The following CD226 variants were observed in gnomAD, a reference collection of about 807,000 sequenced individuals.
CD226 encodes the protein CD226 antigen.
A neutral mutation model predicts 34.9 loss-of-function variants in CD226; 24 were observed. The ratio of observed to expected loss-of-function variants is 0.69; its 90% confidence interval spans 0.50 to 0.97. CD226 has a LOEUF of 0.97. CD226 is among the 50% of genes least tolerant of loss of function. The pLI is 0.00. For synonymous variants in CD226, 148 were observed against 147.4 expected (o/e 1.00, Z -0.03); for missense variants, 397 against 412.7 (o/e 0.96, Z 0.33).
chr18:69,951,922 G>C (rs1458027748), upstream of CD226, among the ~76,000 whole-genome samples: 1 of 152,110 alleles, frequency 6.6e-6, no homozygotes, highest in Non-Finnish European at 1.5e-5. Context: ...TCTCACTACA[G>C]GGTATCTACC....
In CD226 at chr18:69,920,380, G is replaced by A. The variant is rs2145307684; in HGVS notation, c.383-24335C>T. On this transcript the variant is annotated intron_variant, in intron 2 of 5. Transcript: ENST00000582621. ...AATCCATCCCCTACTGCCTTGAAAT[G>A]TCCATTTATATACAAGATAAAAACA... Among the ~76,000 whole-genome samples the A allele has an allele frequency of 1.3e-5, 2 of 152,218 alleles. 1 individual carries two copies. Among genetic ancestry groups the A allele is most frequent in the South Asian group, 4.1e-4 (2 of 4,824 alleles).
intron 1 of CD226, among the ~76,000 whole-genome samples, chr18:69,954,050 C>A (rs1327431009): frequency 6.7e-6 from 1 of 149,466 alleles, no homozygotes; most frequent in Non-Finnish European, 1.5e-5. Context: ...CTTAGGTGAA[C>A]AATGTTATGT....
At chr18:69,945,201 A>G (rs180813247) in intron 2 of CD226, among the ~76,000 whole-genome samples, 6 of 152,320 alleles carry the variant, frequency 3.9e-5, no homozygotes, top group East Asian at 1.9e-4. Context: ...TTGGATCACA[A>G]GCATAGGAAA....
rs1982543994 is a variant in CD226, at chr18:69,853,954, A to G, written c.*10360T>C. 1 of 152,170 alleles carries G rather than the reference A, an allele frequency of 6.6e-6. No individual in the cohort carries two copies. The highest frequency in any genetic ancestry group is 6.5e-5 in the Admixed American group (1 of 15,276). The allele number at this position is 152,170 out of a possible 1,614,324, so 9.4% of individuals were successfully genotyped here. A position where few individuals can be genotyped will look rare whatever the true frequency, so the allele number is the denominator to read the frequency against. On this transcript the variant is annotated 3_prime_UTR_variant, in exon 6 of 6. Coordinates refer to ENST00000582621, the MANE Select transcript of CD226 (RefSeq NM_001303618.2). ...TGAGCCAAAGAGCAGCCTAGACGAG[A>G]GCAAGTCATATGGAATGGAGTCCAG...
intron 2 of CD226, among the ~76,000 whole-genome samples, chr18:69,913,362 A>G (rs779425533): frequency 7.2e-5 from 11 of 152,252 alleles, no homozygotes; most frequent in Non-Finnish European, 8.8e-5. Context: ...TTATTGTCAC[A>G]GAGCACAGAT....
At chr18:69,881,586 G>T (rs1446587048) in intron 3 of CD226, among the ~76,000 whole-genome samples, 1 of 152,170 alleles carries the variant, frequency 6.6e-6, no homozygotes, top group African/African-American at 2.4e-5. Flanking sequence ...AACGATTTAG[G>T]TTATTAATCA....
chr18:69,876,619 C>G (rs554501304), intron 3 of CD226, among the ~76,000 whole-genome samples: 1 of 152,276 alleles, frequency 6.6e-6, no homozygotes, highest in East Asian at 1.9e-4. Flanking sequence ...TGTTTTTTCT[C>G]TGCTCTCACA....
intron 1 of CD226, chr18:69,956,569 C>T (rs1388617447): frequency 6.6e-6 from 1 of 152,224 alleles, no homozygotes; most frequent in Non-Finnish European, 1.5e-5. Context: ...AAACTGCACC[C>T]CTCATTAAAC....
chr18:69,937,187 G>A (rs928120920), intron 2 of CD226, among the ~76,000 whole-genome samples: 10 of 152,210 alleles, frequency 6.6e-5, no homozygotes, highest in African/African-American at 2.4e-4. Flanking sequence ...TTGTAAACCG[G>A]AATAAATTGC....
At chr18:69,898,705 A>G (rs1985441380) in intron 2 of CD226, among the ~76,000 whole-genome samples, 1 of 152,180 alleles carries the variant, frequency 6.6e-6, no homozygotes, top group Admixed American at 6.5e-5. Flanking sequence ...TTGGTGTTAG[A>G]TGAAAATCAA....
At chr18:69,880,518 A>C (rs1984184724) in intron 3 of CD226, among the ~76,000 whole-genome samples, 1 of 152,152 alleles carries the variant, frequency 6.6e-6, no homozygotes, top group Non-Finnish European at 1.5e-5. Flanking sequence ...ACCTAAAAAA[A>C]TTAATGTCTT....
chr18:69,936,360 G>A (rs551836702), intron 2 of CD226, among the ~76,000 whole-genome samples: 5 of 152,268 alleles, frequency 3.3e-5, no homozygotes, highest in African/African-American at 1.2e-4. Context: ...AAACAACCTT[G>A]GCACACGTTC....
chr18:69,928,881 A>G (rs2055555427), intron 2 of CD226, among the ~76,000 whole-genome samples: 1 of 152,248 alleles, frequency 6.6e-6, no homozygotes, highest in African/African-American at 2.4e-5. Context: ...GAGGATGCCT[A>G]GGGAATTTGC....
chr18:69,926,191 C>T (rs2055519519), intron 2 of CD226, among the ~76,000 whole-genome samples: 1 of 151,858 alleles, frequency 6.6e-6, no homozygotes, highest in South Asian at 2.1e-4. Flanking sequence ...TCTTTGCCTA[C>T]CTCTCTGCTT....
chr18:69,903,076 A>G (rs940050355), intron 2 of CD226, among the ~76,000 whole-genome samples: 1 of 152,238 alleles, frequency 6.6e-6, no homozygotes, highest in Non-Finnish European at 1.5e-5. Flanking sequence ...AGCAAGCAAC[A>G]AAGTCCAGAA....
chr18:69,956,218 G>A (rs543666154), intron 1 of CD226, among the ~76,000 whole-genome samples: 9 of 152,350 alleles, frequency 5.9e-5, no homozygotes, highest in East Asian at 5.8e-4. Context: ...ACCATCCACC[G>A]CTGTTTTTGT....
upstream of CD226, among the ~76,000 whole-genome samples, chr18:69,949,789 GAC>G (rs1008599743): frequency 2.4e-4 from 36 of 151,422 alleles, no homozygotes; most frequent in African/African-American, 8.3e-4. Context: ...CACAGTCTCA[GAC>G]ACACAATCAC....
chr18:69,918,013 T>G (rs1021365684), intron 2 of CD226, among the ~76,000 whole-genome samples: 3 of 152,094 alleles, frequency 2.0e-5, no homozygotes, highest in African/African-American at 7.2e-5. Context: ...GAGATTAAAT[T>G]TGTGCCTCAC....
chr18:69,871,881 A>G (rs1983543997), intron 4 of CD226, among the ~76,000 whole-genome samples: 1 of 152,206 alleles, frequency 6.6e-6, no homozygotes, highest in Non-Finnish European at 1.5e-5. Flanking sequence ...TGACATGCCA[A>G]CCCAGCCTTC....
Sources: gnomAD v4.1 joint callset for allele counts (sites outside exome capture counted in the v4.1 genomes callset) on GRCh38, gnomAD v4.1.1 for gene constraint, MANE v1.5 for transcripts, NCBI Gene and HGNC (gene_info 2026-07-23, HGNC 2026-07-21) for gene names.